P2RY8: variants seen among roughly 807,000 people sequenced by gnomAD.
P2RY8 encodes P2Y receptor family member 8.
Under a neutral mutation model 10.0 loss-of-function variants are expected in P2RY8, and 6 were observed. That is an observed-to-expected ratio of 0.60 (90% CI 0.33 to 1.19). The LOEUF is 1.19. P2RY8 is among the 50% of genes most tolerant of loss of function. The pLI is 0.04. For missense variants in P2RY8, 456 were observed against 542.0 expected, an observed-to-expected ratio of 0.84 and a Z score of 1.58; for synonymous variants, 276 against 252.5, an observed-to-expected ratio of 1.09 and a Z score of -0.88.
chrX:1,517,806 T>C (rs2092361529), intron 1 of P2RY8, among the ~76,000 whole-genome samples: 1 of 152,138 alleles, frequency 6.6e-6, no homozygotes, highest in African/African-American at 2.4e-5. Flanking sequence ...CTCAATATTT[T>C]CTGGTTCTTA....
intron 1 of P2RY8, among the ~76,000 whole-genome samples, chrX:1,484,503 G>C (rs2091968338): frequency 6.6e-6 from 1 of 151,714 alleles, no homozygotes; most frequent in Non-Finnish European, 1.5e-5. Context: ...GAGGCGGGCG[G>C]ATCATGAGGT....
intron 1 of P2RY8, 101 bp from the exon 2 acceptor site, chrX:1,466,683 G>A (rs2091683592): frequency 6.8e-6 from 8 of 1,183,664 alleles, no homozygotes; most frequent in Admixed American, 2.5e-5. Flanking sequence ...CCAAGGCGGG[G>A]GAGATGCTTT....
chrX:1,482,837 G>C (rs1472724110), intron 1 of P2RY8, among the ~76,000 whole-genome samples: 2 of 151,316 alleles, frequency 1.3e-5, no homozygotes, highest in Non-Finnish European at 1.5e-5. Context: ...GCAAACTATC[G>C]CAAGGACAAA....
At chrX:1,535,082 C>T (rs1428515168) in intron 1 of P2RY8, among the ~76,000 whole-genome samples, 5 of 151,202 alleles carry the variant, frequency 3.3e-5, no homozygotes, top group Non-Finnish European at 5.9e-5. Context: ...TGGGGGAGGC[C>T]AATATTTGGG....
chrX:1,490,464 C>T (rs1244474683), intron 1 of P2RY8, among the ~76,000 whole-genome samples: 1 of 143,076 alleles, frequency 7.0e-6, no homozygotes, highest in Non-Finnish European at 1.5e-5. Context: ...CCCAGATATT[C>T]CCTGCAAATG....
chrX:1,516,468 G>C (rs28838893), intron 1 of P2RY8, among the ~76,000 whole-genome samples: 2 of 150,738 alleles, frequency 1.3e-5, no homozygotes, highest in Non-Finnish European at 1.5e-5. Context: ...TTTCTAAGCC[G>C]CCCAGTCTAT....
chrX:1,509,107 C>CTATGTATG (rs1241654505), intron 1 of P2RY8, among the ~76,000 whole-genome samples: 2 of 120,446 alleles, frequency 1.7e-5, no homozygotes, highest in African/African-American at 6.2e-5. Flanking sequence ...ATGTATCTAT[C>CTATGTATG]TATCTATCTA....
intron 1 of P2RY8, among the ~76,000 whole-genome samples, chrX:1,514,890 TCCCCTTCCCCTC>T (rs1356355685): frequency 5.8e-4 from 11 of 18,912 alleles, no homozygotes; most frequent in Admixed American, 2.3e-3. Flanking sequence ...TCCTCTCCCC[TCCCCTTCCCCTC>T]CCCTCCCCTT....
chrX:1,490,907 C>A (rs1455784181), intron 1 of P2RY8, among the ~76,000 whole-genome samples: 5 of 148,834 alleles, frequency 3.4e-5, no homozygotes, highest in African/African-American at 1.3e-4. Flanking sequence ...ATATTCCCTG[C>A]AAATGTGGGG....
At chrX:1,468,466 C>T (rs1194283092) in intron 1 of P2RY8, among the ~76,000 whole-genome samples, 2 of 152,344 alleles carry the variant, frequency 1.3e-5, no homozygotes, top group Non-Finnish European at 1.5e-5. Flanking sequence ...ACAGCCAGGA[C>T]TGCTGAGGAA....
intron 1 of P2RY8, among the ~76,000 whole-genome samples, chrX:1,496,603 A>T (rs5989764): frequency 6.6e-6 from 1 of 151,686 alleles, no homozygotes; most frequent in African/African-American, 2.4e-5. Context: ...CCCTTAAAAC[A>T]TTCAGTCAGC....
chrX:1,475,453 AT>A (rs1436721652), intron 1 of P2RY8, among the ~76,000 whole-genome samples: 1 of 152,248 alleles, frequency 6.6e-6, no homozygotes, highest in East Asian at 1.9e-4. Flanking sequence ...CAATACCTTC[AT>A]CTCAGACTTC....
intron 1 of P2RY8, among the ~76,000 whole-genome samples, chrX:1,474,738 T>G (rs1569536709): frequency 7.6e-6 from 1 of 132,348 alleles, no homozygotes; most frequent in East Asian, 2.4e-4. Flanking sequence ...GATGGGTAGA[T>G]GGATGGGTGA....
At chrX:1,483,138 C>T (rs1466091535) in intron 1 of P2RY8, among the ~76,000 whole-genome samples, 8 of 152,068 alleles carry the variant, frequency 5.3e-5, no homozygotes, top group Non-Finnish European at 7.4e-5. Context: ...AAGATCGTTG[C>T]TCAGTGTGAG....
At chrX:1,502,479 C>G (rs770423306) in intron 1 of P2RY8, among the ~76,000 whole-genome samples, 1 of 152,170 alleles carries the variant, frequency 6.6e-6, no homozygotes, top group South Asian at 2.1e-4. Context: ...GTTTGCCTCC[C>G]GGCAACACGC....
At chrX:1,496,496 A>G (rs2149394947) in intron 1 of P2RY8, among the ~76,000 whole-genome samples, 1 of 152,142 alleles carries the variant, frequency 6.6e-6, no homozygotes, top group South Asian at 2.1e-4. Context: ...CTCAGTTCAC[A>G]GGAAGCAACT....
chrX:1,534,918 C>A (rs1183978312), intron 1 of P2RY8, among the ~76,000 whole-genome samples: 1 of 152,070 alleles, frequency 6.6e-6, no homozygotes, highest in Non-Finnish European at 1.5e-5. Context: ...TCCCACCCAC[C>A]CCAAGGTTGG....
At chrX:1,483,727 C>A (rs1255758744) in intron 1 of P2RY8, among the ~76,000 whole-genome samples, 1 of 152,012 alleles carries the variant, frequency 6.6e-6, no homozygotes, top group African/African-American at 2.4e-5. Context: ...TTCCTTAAAA[C>A]CCAAAGAGGG....
chrX:1,480,670 G>A (rs1164314449), intron 1 of P2RY8, among the ~76,000 whole-genome samples: 20 of 151,944 alleles, frequency 1.3e-4, no homozygotes, highest in South Asian at 4.1e-4. Flanking sequence ...AGGGCCTGTC[G>A]GGGGGTGAGG....
Sources: gnomAD v4.1 joint callset for allele counts (sites outside exome capture counted in the v4.1 genomes callset) on GRCh38, gnomAD v4.1.1 for gene constraint, MANE v1.5 for transcripts, NCBI Gene and HGNC (gene_info 2026-07-23, HGNC 2026-07-21) for gene names.